Variants in GALNT13 observed in about 807,000 individuals in gnomAD.
The protein encoded by GALNT13 is UDP-GalNAc:polypeptide N-acetylgalactosaminyltransferase 13.
Under a neutral mutation model 64.2 loss-of-function variants are expected in GALNT13, and 28 were observed. That is an observed-to-expected ratio of 0.44 (90% CI 0.32 to 0.60). The LOEUF is 0.60. Ranked by LOEUF, GALNT13 falls within the 20% of genes least tolerant of loss-of-function variation. The pLI is 0.05. For missense variants in GALNT13, 577 were observed against 669.8 expected (o/e 0.86, Z 1.53); for synonymous variants, 214 against 224.6 (o/e 0.95, Z 0.42).
At chr2:153,942,349 G>A (rs1056658594) in intron 2 of GALNT13, among the ~76,000 whole-genome samples, 3 of 152,064 alleles carry the variant, frequency 2.0e-5, no homozygotes, top group African/African-American at 7.2e-5. Context: ...CTTGGGAATG[G>A]CCGTGTAGTG....
At chr2:154,404,182 A>G (rs1313199405) in intron 10 of GALNT13, among the ~76,000 whole-genome samples, 1 of 152,110 alleles carries the variant, frequency 6.6e-6, no homozygotes, top group Non-Finnish European at 1.5e-5. Context: ...AAGTAATATT[A>G]CACATCCACA....
At chr2:153,430,904 C>A in the GALNT13 span, among the ~76,000 whole-genome samples, 19 of 151,994 alleles carry the variant, frequency 1.3e-4, no homozygotes, top group Non-Finnish European at 7.4e-5. Context: ...GTAATTCCAG[C>A]ACTTTGGGAG....
intron 9 of GALNT13, among the ~76,000 whole-genome samples, chr2:154,317,570 C>T (rs979247222): frequency 6.6e-6 from 1 of 151,980 alleles, no homozygotes; most frequent in Admixed American, 6.6e-5. Flanking sequence ...TTCTAATAGA[C>T]TATATTAAAA....
the GALNT13 span, among the ~76,000 whole-genome samples, chr2:153,199,468 G>T: frequency 2.0e-5 from 3 of 152,184 alleles, no homozygotes; most frequent in Non-Finnish European, 1.5e-5. Context: ...GGTTGTGGTA[G>T]TATCATCAGA....
At chr2:153,846,774 C>CA in the GALNT13 span, among the ~76,000 whole-genome samples, 1 of 151,980 alleles carries the variant, frequency 6.6e-6, no homozygotes, top group Non-Finnish European at 1.5e-5. Flanking sequence ...CAGATAGAGG[C>CA]AAAAATTTTT....
chr2:153,798,153 C>T, the GALNT13 span, among the ~76,000 whole-genome samples: 5 of 152,164 alleles, frequency 3.3e-5, no homozygotes, highest in Admixed American at 6.6e-5. Flanking sequence ...ACTCCTTTTG[C>T]GCTAGCTGGT....
the GALNT13 span, among the ~76,000 whole-genome samples, chr2:153,840,302 G>C: frequency 1.3e-5 from 2 of 151,958 alleles, no homozygotes; most frequent in African/African-American, 4.8e-5. Context: ...CATTTATATA[G>C]TTTGCTTTTA....
At chr2:153,111,186 C>A in the GALNT13 span, among the ~76,000 whole-genome samples, 1 of 151,998 alleles carries the variant, frequency 6.6e-6, no homozygotes. Context: ...AAGGATCTAT[C>A]TTTTAGGAGA....
intron 4 of GALNT13, among the ~76,000 whole-genome samples, chr2:154,153,401 C>T (rs1227278894): frequency 2.0e-5 from 3 of 152,238 alleles, no homozygotes; most frequent in African/African-American, 7.2e-5. Context: ...CTTGAGGAGG[C>T]AGTCTGCCCA....
the GALNT13 span, among the ~76,000 whole-genome samples, chr2:153,662,705 T>G: frequency 6.6e-6 from 1 of 152,238 alleles, no homozygotes; most frequent in Non-Finnish European, 1.5e-5. Context: ...GACATTTATA[T>G]AATACATTTA....
the GALNT13 span, among the ~76,000 whole-genome samples, chr2:153,500,559 C>T: frequency 1.2e-3 from 181 of 152,334 alleles, 1 homozygote; most frequent in African/African-American, 3.8e-3. Flanking sequence ...CAGATTTTTA[C>T]ATTATGTATC....
At chr2:153,638,175 A>G in the GALNT13 span, among the ~76,000 whole-genome samples, 1 of 152,124 alleles carries the variant, frequency 6.6e-6, no homozygotes, top group Admixed American at 6.6e-5. Context: ...GGATCAGAGG[A>G]GATCAGAGAT....
the GALNT13 span, among the ~76,000 whole-genome samples, chr2:153,645,976 T>G: frequency 6.6e-6 from 1 of 152,220 alleles, no homozygotes; most frequent in South Asian, 2.1e-4. Flanking sequence ...ACAAAATGGG[T>G]TCATGCTTAC....
At chr2:154,330,941 AT>A (rs1695132944) in intron 9 of GALNT13, among the ~76,000 whole-genome samples, 1 of 152,118 alleles carries the variant, frequency 6.6e-6, no homozygotes, top group African/African-American at 2.4e-5. Context: ...TTCATTCACA[AT>A]TTATGATTTC....
chr2:154,108,589 G>A (rs1192721842), intron 3 of GALNT13, among the ~76,000 whole-genome samples: 6 of 152,108 alleles, frequency 3.9e-5, no homozygotes. Flanking sequence ...TAAATGTGAT[G>A]TAATCCTATT....
chr2:154,310,807 TG>T (rs1281311560), intron 9 of GALNT13, among the ~76,000 whole-genome samples: 1 of 152,108 alleles, frequency 6.6e-6, no homozygotes, highest in Non-Finnish European at 1.5e-5. Flanking sequence ...GCACTTAGTT[TG>T]TTTGCTATAA....
the GALNT13 span, among the ~76,000 whole-genome samples, chr2:153,788,227 G>A: frequency 1.3e-5 from 2 of 152,192 alleles, no homozygotes; most frequent in African/African-American, 4.8e-5. Flanking sequence ...GAAGCTCATC[G>A]AACTAAAAGC....
the GALNT13 span, among the ~76,000 whole-genome samples, chr2:153,372,762 A>G: frequency 3.9e-5 from 6 of 152,122 alleles, no homozygotes; most frequent in Non-Finnish European, 7.4e-5. Context: ...TCTCCTTTGG[A>G]AGTAAATGTT....
At chr2:154,143,436 G>A (rs1483275877) in intron 4 of GALNT13, among the ~76,000 whole-genome samples, 1 of 151,432 alleles carries the variant, frequency 6.6e-6, no homozygotes, top group Non-Finnish European at 1.5e-5. Flanking sequence ...ACTATTTCAA[G>A]TTTTTAAAAA....
Sources: allele counts gnomAD v4.1 joint callset (sites outside exome capture counted in the v4.1 genomes callset), GRCh38; gene constraint gnomAD v4.1.1; transcripts MANE v1.5; gene names NCBI Gene and HGNC (gene_info 2026-07-23, HGNC 2026-07-21).